BCL2: variants seen among roughly 807,000 people sequenced by gnomAD.
BCL2 encodes apoptosis regulator Bcl-2.
A neutral mutation model predicts 14.2 loss-of-function variants in BCL2; 1 was observed. That is an observed-to-expected ratio of 0.07 (90% CI 0.02 to 0.33). The LOEUF (loss-of-function observed/expected upper bound fraction) is 0.33, where lower values mean the gene tolerates loss of function less well. Ranked by LOEUF, BCL2 falls within the 10% of genes least tolerant of loss-of-function variation. The pLI, the probability that BCL2 is intolerant of heterozygous loss-of-function variation, is 0.99. For missense variants in BCL2, 247 were observed against 305.9 expected (o/e 0.81, Z 1.44); for synonymous variants, 151 against 137.2 (o/e 1.10, Z -0.70).
At chr18:63,304,562 G>C (rs1913064746) in intron 2 of BCL2, among the ~76,000 whole-genome samples, 1 of 152,070 alleles carries the variant, frequency 6.6e-6, no homozygotes, top group Admixed American at 6.6e-5. Context: ...ATTAGTGTTT[G>C]TTCTTTTAAT....
intron 2 of BCL2, among the ~76,000 whole-genome samples, chr18:63,228,084 A>G (rs906451935): frequency 2.6e-5 from 4 of 152,324 alleles, no homozygotes; most frequent in Non-Finnish European, 4.4e-5. Flanking sequence ...TCAGGTGTAC[A>G]TACAGAAAGA....
intron 2 of BCL2, among the ~76,000 whole-genome samples, chr18:63,193,319 G>A (rs1241163182): frequency 7.9e-5 from 12 of 152,146 alleles, no homozygotes; most frequent in Admixed American, 7.2e-4. Context: ...GTGTGTGAGT[G>A]TGTGTGTTAA....
chr18:63,218,659 CCATCCTCCAGTCATCCCCAT>C (rs1258503773), intron 2 of BCL2, among the ~76,000 whole-genome samples: 8 of 52,254 alleles, frequency 1.5e-4, no homozygotes, highest in East Asian at 5.1e-4. Context: ...CCACTCATCC[CCATCCTCCAGTCATCCCCAT>C]CCTCCACTCA....
chr18:63,128,811 C>A, intron 2 of BCL2, 52 bp from the exon 3 acceptor site: 1 of 726,294 alleles, frequency 1.4e-6, no homozygotes, highest in South Asian at 1.5e-5. Flanking sequence ...AGAGAGAGAG[C>A]AGAGAATGCC....
At chr18:63,214,924 G>A (rs1463481107) in intron 2 of BCL2, among the ~76,000 whole-genome samples, 2 of 152,026 alleles carry the variant, frequency 1.3e-5, no homozygotes, top group Non-Finnish European at 2.9e-5. Context: ...GGCCAGGCTG[G>A]TCTCAAACTC....
At chr18:63,307,584 C>T (rs1913183662) in intron 2 of BCL2, among the ~76,000 whole-genome samples, 1 of 152,176 alleles carries the variant, frequency 6.6e-6, no homozygotes, top group South Asian at 2.1e-4. Flanking sequence ...CAAGCTGTTA[C>T]AAAGCAGGAG....
chr18:63,311,614 C>T (rs1165547865), intron 2 of BCL2, among the ~76,000 whole-genome samples: 1 of 152,116 alleles, frequency 6.6e-6, no homozygotes, highest in Non-Finnish European at 1.5e-5. Flanking sequence ...CCCCAGAGAG[C>T]TGATTATTAA....
At chr18:63,224,838 C>T (rs1172722470) in intron 2 of BCL2, among the ~76,000 whole-genome samples, 4 of 152,194 alleles carry the variant, frequency 2.6e-5, no homozygotes, top group Admixed American at 6.5e-5. Context: ...GTTACCACTG[C>T]ACCAGGTTTT....
At chr18:63,181,109 A>G (rs1270118026) in intron 2 of BCL2, among the ~76,000 whole-genome samples, 1 of 152,202 alleles carries the variant, frequency 6.6e-6, no homozygotes, top group African/African-American at 2.4e-5. Flanking sequence ...AAGACAGACC[A>G]GTCATTTTTA....
intron 2 of BCL2, among the ~76,000 whole-genome samples, chr18:63,230,804 A>T (rs993025365): frequency 2.6e-5 from 4 of 152,094 alleles, no homozygotes; most frequent in Non-Finnish European, 5.9e-5. Context: ...ATGTATTTTT[A>T]TGAGTTCAGT....
chr18:63,203,787 C>A (rs1426519830), intron 2 of BCL2, among the ~76,000 whole-genome samples: 2 of 152,172 alleles, frequency 1.3e-5, no homozygotes, highest in African/African-American at 4.8e-5. Flanking sequence ...CTAAGTGTTT[C>A]TATGCTGTAA....
chr18:63,227,437 T>C (rs1910578562), intron 2 of BCL2, among the ~76,000 whole-genome samples: 1 of 152,194 alleles, frequency 6.6e-6, no homozygotes, highest in South Asian at 2.1e-4. Flanking sequence ...TCAAAACTCC[T>C]GGACTCAAGC....
intron 2 of BCL2, among the ~76,000 whole-genome samples, chr18:63,219,137 C>T (rs1349935755): frequency 6.6e-6 from 1 of 152,190 alleles, no homozygotes; most frequent in Admixed American, 6.5e-5. Flanking sequence ...ATCTTATCTT[C>T]TGAACATACC....
At chr18:63,158,419 G>A (rs962701087) in intron 2 of BCL2, among the ~76,000 whole-genome samples, 3 of 151,984 alleles carry the variant, frequency 2.0e-5, no homozygotes, top group African/African-American at 7.3e-5. Flanking sequence ...CTTGGGACTG[G>A]CTGTCACACG....
intron 2 of BCL2, among the ~76,000 whole-genome samples, chr18:63,145,013 A>G (rs1303513450): frequency 1.3e-5 from 2 of 152,202 alleles, no homozygotes; most frequent in East Asian, 1.9e-4. Context: ...AAAATGTTGT[A>G]TGATATAGAC....
intron 2 of BCL2, among the ~76,000 whole-genome samples, chr18:63,265,362 T>C (rs912439036): frequency 6.6e-6 from 1 of 152,230 alleles, no homozygotes. Context: ...GTGATCTTCA[T>C]AGTCACCTGT....
intron 2 of BCL2, among the ~76,000 whole-genome samples, chr18:63,305,618 C>A (rs1030409916): frequency 6.6e-6 from 1 of 151,746 alleles, no homozygotes; most frequent in Non-Finnish European, 1.5e-5. Flanking sequence ...ATTTTTTTCA[C>A]CCGGAAAAAA....
intron 2 of BCL2, among the ~76,000 whole-genome samples, chr18:63,235,352 A>C (rs1473107128): frequency 2.0e-5 from 3 of 152,190 alleles, no homozygotes; most frequent in Non-Finnish European, 4.4e-5. Flanking sequence ...CATATCAAAA[A>C]GCTAGACACA....
chr18:63,309,415 CTGT>C (rs1913237839), intron 2 of BCL2, among the ~76,000 whole-genome samples: 1 of 152,196 alleles, frequency 6.6e-6, no homozygotes. Flanking sequence ...AAAGCAGTAA[CTGT>C]TGTTATCTTT....
Sources: allele counts gnomAD v4.1 joint callset (sites outside exome capture counted in the v4.1 genomes callset), GRCh38; gene constraint gnomAD v4.1.1; transcripts MANE v1.5; gene names NCBI Gene and HGNC (gene_info 2026-07-23, HGNC 2026-07-21).